The following ATXN1 variants were observed in gnomAD, a reference collection of about 807,000 sequenced individuals.
ATXN1 encodes ataxin-1.
In ATXN1, 8 loss-of-function variants were observed where a neutral mutation model predicts 56.4. The observed-to-expected ratio is 0.14, with a 90% CI of 0.08 to 0.26. The LOEUF (loss-of-function observed/expected upper bound fraction) is 0.26, where lower values mean the gene tolerates loss of function less well. Ranked by LOEUF, ATXN1 falls within the 10% of genes least tolerant of loss-of-function variation. The probability of loss-of-function intolerance (pLI) is 1.00; values close to 1 mark genes in which losing one functional copy is unlikely to be tolerated. For synonymous variants in ATXN1, 514 were observed against 494.6 expected, an observed-to-expected ratio of 1.04 and a Z score of -0.52; for missense variants, 987 against 1,106.5, an observed-to-expected ratio of 0.89 and a Z score of 1.53.
chr6:16,568,493 AAACAGTGTT>A (rs1762271802), intron 4 of ATXN1, among the ~76,000 whole-genome samples: 1 of 152,224 alleles, frequency 6.6e-6, no homozygotes, highest in Non-Finnish European at 1.5e-5. Context: ...TTTCTCAGAG[AAACAGTGTT>A]ATAAATAGTG....
At chr6:16,378,343 A>G (rs1367570603) in intron 6 of ATXN1, among the ~76,000 whole-genome samples, 3 of 152,186 alleles carry the variant, frequency 2.0e-5, no homozygotes, top group Non-Finnish European at 4.4e-5. Flanking sequence ...TATACATTAT[A>G]CCCTTAATAT....
At chr6:16,672,653 G>C (rs72825589) in intron 2 of ATXN1, among the ~76,000 whole-genome samples, 15,845 of 152,264 alleles carry the variant, frequency 0.1, 1,051 homozygotes, top group Admixed American at 0.16. Flanking sequence ...ACAGCACAGA[G>C]AGATGCAACA....
At chr6:16,318,763 T>C (rs939435522) in intron 7 of ATXN1, among the ~76,000 whole-genome samples, 9 of 152,160 alleles carry the variant, frequency 5.9e-5, no homozygotes, top group African/African-American at 2.2e-4. Context: ...TTACACATGG[T>C]AGCGTGGCTC....
intron 5 of ATXN1, among the ~76,000 whole-genome samples, chr6:16,518,954 A>G (rs916165495): frequency 1.3e-5 from 2 of 152,234 alleles, no homozygotes; most frequent in South Asian, 2.1e-4. Flanking sequence ...TTATATCTGC[A>G]TTAAAAAAAC....
At chr6:16,319,809 T>C (rs1424772647) in intron 7 of ATXN1, among the ~76,000 whole-genome samples, 2 of 152,000 alleles carry the variant, frequency 1.3e-5, no homozygotes, top group Middle Eastern at 3.4e-3. Flanking sequence ...GATGACCCAG[T>C]TGGGGGCACA....
chr6:16,669,295 C>A (rs561483164), intron 2 of ATXN1, among the ~76,000 whole-genome samples: 2 of 152,226 alleles, frequency 1.3e-5, no homozygotes, highest in East Asian at 3.9e-4. Flanking sequence ...CATTTGTAAG[C>A]TCCATTTATA....
At chr6:16,335,109 C>T (rs1761087290) in intron 6 of ATXN1, among the ~76,000 whole-genome samples, 1 of 152,210 alleles carries the variant, frequency 6.6e-6, no homozygotes, top group Non-Finnish European at 1.5e-5. Context: ...CCATTAGGAA[C>T]ATTCTGAGAC....
At chr6:16,363,555 C>A (rs2113478585) in intron 6 of ATXN1, among the ~76,000 whole-genome samples, 1 of 152,344 alleles carries the variant, frequency 6.6e-6, no homozygotes, top group South Asian at 2.1e-4. Context: ...ATCTGTTCAG[C>A]ACAATCTAAC....
chr6:16,649,230 C>G (rs1051441842), intron 3 of ATXN1, among the ~76,000 whole-genome samples: 4 of 151,824 alleles, frequency 2.6e-5, no homozygotes, highest in African/African-American at 9.7e-5. Flanking sequence ...TTTATTTAAG[C>G]CAAGTTATTT....
intron 3 of ATXN1, among the ~76,000 whole-genome samples, chr6:16,603,470 T>C (rs977702364): frequency 2.6e-5 from 4 of 152,126 alleles, no homozygotes; most frequent in Admixed American, 6.5e-5. Flanking sequence ...GTACACAGCC[T>C]TGAGTGCTTA....
At chr6:16,382,360 G>A (rs1758144791) in intron 6 of ATXN1, among the ~76,000 whole-genome samples, 1 of 151,968 alleles carries the variant, frequency 6.6e-6, no homozygotes, top group Admixed American at 6.6e-5. Flanking sequence ...CAACTTGGGA[G>A]GCTGAGGTGG....
At chr6:16,333,129 G>A (rs1212982831) in intron 6 of ATXN1, among the ~76,000 whole-genome samples, 1 of 152,180 alleles carries the variant, frequency 6.6e-6, no homozygotes, top group East Asian at 1.9e-4. Flanking sequence ...CTAATATTTA[G>A]GTGATGCTCC....
chr6:16,700,063 AT>A (rs1312759996), intron 2 of ATXN1, among the ~76,000 whole-genome samples: 1 of 152,166 alleles, frequency 6.6e-6, no homozygotes, highest in African/African-American at 2.4e-5. Flanking sequence ...CTTACTCTGT[AT>A]TCTCACTCTC....
intron 6 of ATXN1, among the ~76,000 whole-genome samples, chr6:16,430,371 C>T (rs964927159): frequency 4.6e-5 from 7 of 151,862 alleles, no homozygotes; most frequent in African/African-American, 1.5e-4. Context: ...AAAAGAACAC[C>T]GTACTGCGAC....
At chr6:16,499,070 T>C (rs573783542) in intron 5 of ATXN1, among the ~76,000 whole-genome samples, 3 of 152,148 alleles carry the variant, frequency 2.0e-5, no homozygotes, top group African/African-American at 7.2e-5. Flanking sequence ...TAAGAATCTA[T>C]TGCCAAATCC....
At chr6:16,583,652 A>G (rs1384025682) in intron 4 of ATXN1, among the ~76,000 whole-genome samples, 1 of 152,194 alleles carries the variant, frequency 6.6e-6, no homozygotes, top group Non-Finnish European at 1.5e-5. Flanking sequence ...CTGGGAAGGA[A>G]GCTCTGCTCT....
At chr6:16,592,068 A>G (rs57823516) in intron 3 of ATXN1, among the ~76,000 whole-genome samples, 12,995 of 152,084 alleles carry the variant, frequency 0.085, 1,813 homozygotes, top group African/African-American at 0.29. Flanking sequence ...CCATGCACTC[A>G]TTTAATGGAA....
intron 2 of ATXN1, among the ~76,000 whole-genome samples, chr6:16,741,887 T>C (rs3806144): frequency 0.079 from 11,978 of 152,298 alleles, 572 homozygotes; most frequent in East Asian, 0.12. Context: ...ATTGTTAAAA[T>C]AGTACGGTTC....
chr6:16,345,010 A>C (rs1253118757), intron 6 of ATXN1, among the ~76,000 whole-genome samples: 4 of 152,192 alleles, frequency 2.6e-5, no homozygotes, highest in African/African-American at 9.7e-5. Context: ...TTGGGTTTCT[A>C]GGGTGCTGTC....
Sources: allele counts gnomAD v4.1 joint callset (sites outside exome capture counted in the v4.1 genomes callset), GRCh38; gene constraint gnomAD v4.1.1; transcripts MANE v1.5; gene names NCBI Gene and HGNC (gene_info 2026-07-23, HGNC 2026-07-21).